The following IL18RAP variants were observed in gnomAD, a reference collection of about 807,000 sequenced individuals.
IL18RAP encodes interleukin-18 receptor accessory protein.
Under a neutral mutation model 58.1 loss-of-function variants are expected in IL18RAP, and 37 were observed. That is an observed-to-expected ratio of 0.64 (90% CI 0.49 to 0.84). The LOEUF is 0.84. Ranked by LOEUF, IL18RAP falls within the 40% of genes least tolerant of loss-of-function variation. The pLI is 0.00. For synonymous variants in IL18RAP, 268 were observed against 257.5 expected (o/e 1.04, Z -0.39); for missense variants, 667 against 704.8 (o/e 0.95, Z 0.61).
Position 102,451,026 on chromosome 2 carries a change from G to A in IL18RAP, c.1384+5G>A, listed in dbSNP as rs1347174421. The A allele has an allele frequency of 6.4e-7, 1 of 1,571,288 alleles. No individual in the cohort carries two copies. The highest frequency in any genetic ancestry group is 1.9e-5 in the Admixed American group (1 of 51,382). ...GAGATGTGGCTCCAGGAGGAGGTAAGTCCAACATGTCAAGAAAAACTGCAG... is the reference window on the plus strand; with the variant it reads ...GAGATGTGGCTCCAGGAGGAGGTAAATCCAACATGTCAAGAAAAACTGCAG... On this transcript the variant is annotated splice_donor_5th_base_variant and intron_variant, in intron 9 of 9. Coordinates refer to ENST00000687160, the MANE Select transcript of IL18RAP (RefSeq NM_001393487.1).
At chr2:102,443,869 G>A (rs968532745) in intron 6 of IL18RAP, among the ~76,000 whole-genome samples, 2 of 152,186 alleles carry the variant, frequency 1.3e-5, no homozygotes, top group African/African-American at 4.8e-5. Context: ...TGAGAAATTT[G>A]ACTTGGTTTG....
At chr2:102,445,068 T>C in intron 6 of IL18RAP, 121 bp from the exon 7 acceptor site, 1 of 737,078 alleles carries the variant, frequency 1.4e-6, no homozygotes, top group Non-Finnish European at 2.2e-6. Context: ...TGGTATCTTA[T>C]ACTATTGATC....
chr2:102,450,601 C>T (rs946957846), intron 8 of IL18RAP, among the ~76,000 whole-genome samples: 5 of 152,128 alleles, frequency 3.3e-5, no homozygotes, highest in African/African-American at 9.7e-5. Flanking sequence ...CAAAGAATGC[C>T]TCAGCCATTT....
At chr2:102,425,305 T>G (rs1323972878) in intron 3 of IL18RAP, among the ~76,000 whole-genome samples, 1 of 152,182 alleles carries the variant, frequency 6.6e-6, no homozygotes, top group East Asian at 1.9e-4. Flanking sequence ...ATCTAATGGT[T>G]TAATGCACCC....
intron 8 of IL18RAP, among the ~76,000 whole-genome samples, 164 bp from the exon 9 acceptor site, chr2:102,450,684 C>T (rs752124634): frequency 6.6e-6 from 1 of 152,120 alleles, no homozygotes; most frequent in Non-Finnish European, 1.5e-5. Context: ...ATCAATACCG[C>T]TCAGTGGTAT....
intron 6 of IL18RAP, 150 bp downstream of exon 6, chr2:102,443,473 C>T (rs565584668): frequency 2.1e-5 from 17 of 797,782 alleles, no homozygotes; most frequent in East Asian, 1.4e-4. Context: ...TGCAAACGGC[C>T]GTTGAATGAA....
In IL18RAP at chr2:102,441,299, T is replaced by C. The variant is rs1481413241; in HGVS notation, c.731-13T>C. The C allele has an allele frequency of 1.2e-6, 2 of 1,609,832 alleles. No individual in the cohort carries two copies. The highest frequency in any genetic ancestry group is 3.3e-5 in the Admixed American group (2 of 59,978). On this transcript the variant is annotated splice_polypyrimidine_tract_variant and intron_variant, in intron 4 of 9. Coordinates refer to ENST00000687160, the MANE Select transcript of IL18RAP (RefSeq NM_001393487.1). Reference sequence around the variant, plus strand: ...TTCCAATGCAAATAGTAATCTTTGTTTTCATCTTTCAGTGGGAGACACTAA... The same window carrying C: ...TTCCAATGCAAATAGTAATCTTTGTCTTCATCTTTCAGTGGGAGACACTAA...
At chr2:102,438,591 C>T (rs968315454) in intron 4 of IL18RAP, 1 of 152,140 alleles carries the variant, frequency 6.6e-6, no homozygotes, top group Admixed American at 6.5e-5. Flanking sequence ...CACTCAGCCC[C>T]TCAAATTCTC....
At chr2:102,448,058 C>T (rs1444211956) in intron 8 of IL18RAP, among the ~76,000 whole-genome samples, 1 of 152,074 alleles carries the variant, frequency 6.6e-6, no homozygotes, top group Non-Finnish European at 1.5e-5. Flanking sequence ...GAATGGTGCC[C>T]AGTACACGGT....
chr2:102,422,276 G>T (rs1282525242), upstream of IL18RAP, among the ~76,000 whole-genome samples: 1 of 152,186 alleles, frequency 6.6e-6, no homozygotes, highest in African/African-American at 2.4e-5. Context: ...TTCTCTGTCT[G>T]GATTGCCAAG....
chr2:102,427,029 T>G (rs556793458), intron 3 of IL18RAP, among the ~76,000 whole-genome samples: 10 of 152,294 alleles, frequency 6.6e-5, no homozygotes, highest in African/African-American at 2.4e-4. Context: ...TGTGCCCGGC[T>G]TATTTCACTT....
At position 102,437,354 on chromosome 2, in the gene IL18RAP, G is replaced by T. The variant is rs750220712; in HGVS notation, c.722G>T (p.Arg241Ile). 6.2e-7 allele frequency: 1 copy of T among 1,609,854 alleles called. No homozygotes were observed. The highest frequency in any genetic ancestry group is 1.1e-5 in the South Asian group (1 of 89,834). The change falls in exon 4 of 10, where the codon AGA becomes ATA. Residue 241 changes from arginine to isoleucine, a missense_variant. Coordinates refer to ENST00000687160, the MANE Select transcript of IL18RAP (RefSeq NM_001393487.1). Reference sequence around the variant, plus strand: ...ACAGTCAGAGCTGTTGTTCAAGTGAGAACCATTGGTAAGTGAGATTTTTAT... The same window carrying T: ...ACAGTCAGAGCTGTTGTTCAAGTGATAACCATTGGTAAGTGAGATTTTTAT... ...SWTVRAVVQV[R>I]TIVGDTKLKP... is the part of the protein sequence containing the mutation.
chr2:102,444,290 C>T (rs1051752464), intron 6 of IL18RAP, among the ~76,000 whole-genome samples: 2 of 152,162 alleles, frequency 1.3e-5, no homozygotes, highest in Non-Finnish European at 2.9e-5. Context: ...CATTAGAGTT[C>T]ACAGTAGGAG....
rs569926796 is a variant in IL18RAP at position 102,450,255 on chromosome 2, T to A, written c.1211-593T>A. ...TATACATATAGTTTTCCATCTAGAA[T>A]AGAGGGGAATGGACATTTATCTTGC... On this transcript the variant is annotated intron_variant, in intron 8 of 9. Coordinates refer to ENST00000687160, the MANE Select transcript of IL18RAP (RefSeq NM_001393487.1). Among the ~76,000 whole-genome samples the A allele has an allele frequency of 1.1e-4, 17 of 152,412 alleles. 1 individual carries two copies. Among genetic ancestry groups the A allele is most frequent in the Middle Eastern group, 3.4e-3 (1 of 294 alleles).
intron 3 of IL18RAP, chr2:102,434,506 T>C (rs1168648670): frequency 6.6e-6 from 1 of 152,196 alleles, no homozygotes; most frequent in Non-Finnish European, 1.5e-5. Context: ...GGCATGTAGA[T>C]GAGATCAACA....
chr2:102,437,487 A>C, intron 4 of IL18RAP, 125 bp downstream of exon 4: 1 of 859,692 alleles, frequency 1.2e-6, no homozygotes, highest in Non-Finnish European at 1.6e-6. Flanking sequence ...AATCATGTAA[A>C]ACCTTTCATG....
intron 7 of IL18RAP, among the ~76,000 whole-genome samples, chr2:102,445,839 G>T (rs1252690148): frequency 6.6e-6 from 1 of 151,834 alleles, no homozygotes; most frequent in Non-Finnish European, 1.5e-5. Context: ...AAAAGCTGGA[G>T]TAGAAATTCT....
chr2:102,446,655 G>A (rs1683436116), intron 7 of IL18RAP, among the ~76,000 whole-genome samples: 1 of 152,094 alleles, frequency 6.6e-6, no homozygotes, highest in African/African-American at 2.4e-5. Context: ...AAAAAAATTA[G>A]CCGGGCGTGG....
At chr2:102,451,260 TACC>T (rs1683747559) in intron 9 of IL18RAP, among the ~76,000 whole-genome samples, 3 of 152,208 alleles carry the variant, frequency 2.0e-5, no homozygotes, top group Admixed American at 6.5e-5. Flanking sequence ...AGGACAAAGA[TACC>T]TCTCCTGGCT....
Sources: gnomAD v4.1 joint callset for allele counts (sites outside exome capture counted in the v4.1 genomes callset) on GRCh38, gnomAD v4.1.1 for gene constraint, MANE v1.5 for transcripts, NCBI Gene and HGNC (gene_info 2026-07-23, HGNC 2026-07-21) for gene names.